Variants in APBB2 observed in about 807,000 individuals in gnomAD.
APBB2 encodes Fe65-like 1.
APBB2 carries 38 observed loss-of-function variants against 82.5 expected under a neutral mutation model. The observed-to-expected ratio is 0.46, with a 90% CI of 0.36 to 0.60. The LOEUF (loss-of-function observed/expected upper bound fraction) is 0.60. Among genes scored for constraint, APBB2 ranks in the 20% least tolerant of loss-of-function variants. The pLI is 0.00. For missense variants in APBB2, 772 were observed against 972.3 expected, an observed-to-expected ratio of 0.79 and a Z score of 2.74; for synonymous variants, 341 against 368.2, an observed-to-expected ratio of 0.93 and a Z score of 0.85.
At chr4:41,049,164 T>A (rs1333567960) in intron 4 of APBB2, among the ~76,000 whole-genome samples, 3 of 128,446 alleles carry the variant, frequency 2.3e-5, no homozygotes, top group Non-Finnish European at 4.9e-5. Flanking sequence ...CGGCCGCCCA[T>A]CGTCTGAGAT....
Position 40,946,254 on chromosome 4 carries a change from A to AAAAAAC in APBB2, c.836-1182_836-1181insGTTTTT, listed in dbSNP as rs1553875174. On this transcript the variant is annotated intron_variant, in intron 6 of 17. Coordinates refer to ENST00000508593, the MANE Select transcript of APBB2 (RefSeq NM_004307.2). ...CTCCAAAAAAAAAAAAAAAAAAAAA[A>AAAAAAC]CATTCCCAAGGAAAGCAGATTGGAA... Among the ~76,000 whole-genome samples the AAAAAAC allele has an allele frequency of 3.3e-4, 38 of 114,592 alleles. 3 individuals are homozygous for AAAAAAC. The highest frequency in any genetic ancestry group is 4.8e-3 in the Middle Eastern group (1 of 208). 75.2% of individuals were successfully genotyped at this position (114,592 alleles called of 152,430 possible).
intron 6 of APBB2, among the ~76,000 whole-genome samples, chr4:41,002,192 TA>T (rs2154421163): frequency 6.6e-6 from 1 of 152,340 alleles, no homozygotes; most frequent in African/African-American, 2.4e-5. Flanking sequence ...CTGGGCATAT[TA>T]ACTGAGTCAG....
At chr4:40,863,396 T>TGTTCTGATTCAGTGGGTCTGCAG (rs1338389252) in intron 12 of APBB2, among the ~76,000 whole-genome samples, 2 of 152,172 alleles carry the variant, frequency 1.3e-5, no homozygotes, top group African/African-American at 2.4e-5. Flanking sequence ...TCTGAGGACT[T>TGTTCTGATTCAGTGGGTCTGCAG]GTTCTGATTC....
chr4:41,125,224 T>A (rs1238165016), intron 2 of APBB2, among the ~76,000 whole-genome samples: 1 of 152,236 alleles, frequency 6.6e-6, no homozygotes, highest in South Asian at 2.1e-4. Flanking sequence ...AGATTTTAAA[T>A]TTCACTCAAT....
intron 15 of APBB2, among the ~76,000 whole-genome samples, chr4:40,824,915 T>G (rs1270660407): frequency 1.3e-5 from 2 of 152,236 alleles, no homozygotes; most frequent in Non-Finnish European, 2.9e-5. Context: ...ACCTACTTTC[T>G]GACGCTAGAG....
intron 2 of APBB2, among the ~76,000 whole-genome samples, chr4:41,135,022 C>A (rs1757169222): frequency 6.6e-6 from 1 of 152,052 alleles, no homozygotes. Context: ...GATCTAAAGT[C>A]CTGATTGGAA....
At chr4:40,938,328 T>C (rs544457420) in intron 7 of APBB2, among the ~76,000 whole-genome samples, 1 of 152,294 alleles carries the variant, frequency 6.6e-6, no homozygotes, top group Admixed American at 6.5e-5. Flanking sequence ...AGACAGTGTG[T>C]CTAGGGGGAC....
chr4:40,918,869 C>A (rs1032642072), intron 10 of APBB2, among the ~76,000 whole-genome samples: 1 of 152,016 alleles, frequency 6.6e-6, no homozygotes, highest in African/African-American at 2.4e-5. Context: ...CCTCGGCCTC[C>A]CAGAGTGCTG....
chr4:40,906,482 A>G (rs1307305992), intron 10 of APBB2, among the ~76,000 whole-genome samples: 4 of 150,150 alleles, frequency 2.7e-5, no homozygotes, highest in African/African-American at 4.9e-5. Context: ...AAAAAAAAAA[A>G]AAAAAAGAAA....
chr4:41,037,059 C>A (rs963828778), intron 4 of APBB2, among the ~76,000 whole-genome samples: 1 of 152,136 alleles, frequency 6.6e-6, no homozygotes, highest in East Asian at 1.9e-4. Context: ...GTAGCGCAAC[C>A]GACAACTGAA....
chr4:40,854,197 A>T (rs1447311165), intron 12 of APBB2, among the ~76,000 whole-genome samples: 2 of 152,212 alleles, frequency 1.3e-5, no homozygotes, highest in African/African-American at 4.8e-5. Flanking sequence ...GGCATCCTAT[A>T]CTAGGTACTA....
intron 2 of APBB2, among the ~76,000 whole-genome samples, chr4:41,105,227 T>C (rs1191770517): frequency 6.6e-6 from 1 of 152,238 alleles, no homozygotes; most frequent in African/African-American, 2.4e-5. Flanking sequence ...TATTTTTGTT[T>C]TGTTTTTTAC....
intron 6 of APBB2, among the ~76,000 whole-genome samples, chr4:40,948,296 C>T (rs1206291878): frequency 6.6e-6 from 1 of 152,176 alleles, no homozygotes; most frequent in African/African-American, 2.4e-5. Flanking sequence ...TAGAACTACA[C>T]ATTTAGGCTG....
intron 1 of APBB2, among the ~76,000 whole-genome samples, chr4:41,153,228 G>A (rs1433444858): frequency 6.6e-6 from 1 of 152,130 alleles, no homozygotes; most frequent in Non-Finnish European, 1.5e-5. Context: ...TGAACTACTT[G>A]AAGTGAGAGA....
rs187137649 is a variant in APBB2 at position 40,835,050 on chromosome 4, G to A, written c.1530-4473C>T. 3.7e-3 allele frequency among the ~76,000 whole-genome samples: 557 copies of A among 152,260 alleles called. 4 individuals are homozygous for A. The highest frequency in any genetic ancestry group is 0.013 in the African/African-American group (523 of 41,546). ...TCCCAGCACTTTGGGAGGCCAAGGT[G>A]GCAGATCATGAGGTCAGGAGATCGA... On this transcript the variant is annotated intron_variant, in intron 12 of 17. Transcript: ENST00000508593.
intron 7 of APBB2, among the ~76,000 whole-genome samples, chr4:40,943,948 T>C (rs746719230): frequency 2.0e-5 from 3 of 152,196 alleles, no homozygotes; most frequent in Non-Finnish European, 2.9e-5. Flanking sequence ...GAAGAACAAG[T>C]ACATAATCAA....
chr4:41,195,334 C>A, intron 1 of APBB2, among the ~76,000 whole-genome samples: 6 of 152,198 alleles, frequency 3.9e-5, no homozygotes, highest in African/African-American at 1.4e-4. Context: ...GCTGCTCCGA[C>A]TAAGATCCTC....
chr4:41,074,030 G>A (rs1183638677), intron 3 of APBB2, among the ~76,000 whole-genome samples: 1 of 152,196 alleles, frequency 6.6e-6, no homozygotes, highest in African/African-American at 2.4e-5. Flanking sequence ...GGAGGCTGAG[G>A]CAGGAGGATT....
intron 12 of APBB2, among the ~76,000 whole-genome samples, chr4:40,867,177 C>T (rs1331149026): frequency 2.0e-5 from 3 of 152,156 alleles, no homozygotes; most frequent in African/African-American, 7.2e-5. Context: ...GGTGCTTTTG[C>T]CTACCATGGC....
Sources: allele counts gnomAD v4.1 joint callset (sites outside exome capture counted in the v4.1 genomes callset), GRCh38; gene constraint gnomAD v4.1.1; transcripts MANE v1.5; gene names NCBI Gene and HGNC (gene_info 2026-07-23, HGNC 2026-07-21).